Variants in LRMDA observed in about 807,000 individuals in gnomAD.
LRMDA encodes leucine-rich melanocyte differentiation-associated protein.
A neutral mutation model predicts 29.8 loss-of-function variants in LRMDA; 18 were observed. The observed-to-expected ratio is 0.60, with a 90% CI of 0.42 to 0.90. The LOEUF is 0.90. Among genes scored for constraint, LRMDA ranks in the 40% least tolerant of loss-of-function variants. LRMDA has a pLI of 0.00. For missense variants in LRMDA, 273 were observed against 273.9 expected (o/e 1.00, Z 0.02); for synonymous variants, 125 against 109.4 (o/e 1.14, Z -0.89).
At chr10:76,072,101 A>T (rs1429797156) in intron 5 of LRMDA, among the ~76,000 whole-genome samples, 23 of 152,204 alleles carry the variant, frequency 1.5e-4, no homozygotes, top group Non-Finnish European at 1.5e-5. Context: ...CAATGTAATA[A>T]ATACTTACAG....
intron 6 of LRMDA, among the ~76,000 whole-genome samples, chr10:76,443,914 A>T (rs1842328403): frequency 6.6e-6 from 1 of 152,150 alleles, no homozygotes; most frequent in South Asian, 2.1e-4. Flanking sequence ...TTTATTAAGC[A>T]CCTTTCTAAG....
At chr10:75,789,488 T>A (rs939994357) in intron 2 of LRMDA, among the ~76,000 whole-genome samples, 1 of 152,218 alleles carries the variant, frequency 6.6e-6, no homozygotes, top group African/African-American at 2.4e-5. Context: ...GGAAAATTAT[T>A]CATTTCACTG....
At chr10:76,220,153 C>A (rs1851803716) in intron 5 of LRMDA, among the ~76,000 whole-genome samples, 1 of 152,206 alleles carries the variant, frequency 6.6e-6, no homozygotes, top group South Asian at 2.1e-4. Flanking sequence ...TAAATGCCCA[C>A]AAGAGAAAGC....
intron 5 of LRMDA, among the ~76,000 whole-genome samples, chr10:76,298,171 C>T (rs1267960179): frequency 6.6e-6 from 1 of 152,194 alleles, no homozygotes; most frequent in East Asian, 1.9e-4. Context: ...CAGGCTCAGT[C>T]AAGTAGAACT....
At chr10:75,726,577 G>T (rs1022427506) in intron 2 of LRMDA, among the ~76,000 whole-genome samples, 5 of 152,196 alleles carry the variant, frequency 3.3e-5, no homozygotes, top group Non-Finnish European at 7.3e-5. Context: ...ATTTCTCATG[G>T]CCATGGCCCC....
Position 76,557,241 on chromosome 10 carries a change from G to A in LRMDA, c.634G>A (p.Gly212Arg). Residue 212 changes from glycine to arginine, a missense_variant, in exon 7 of 7, where the codon GGG becomes AGG. Physicochemically the swap from Gly to Arg is moderately radical, Grantham distance 125 (BLOSUM62 -2). Transcript: ENST00000611255. ...GGGGAAGTGTCGCTACGTTTACTAT[G>A]GGAAAAACTCAGAGGGCAACAGGTT... is the stretch of plus-strand genomic sequence containing the variant. ...VLGKCRYVYY[G>R]KNSEGNRFIR... 6.8e-6 allele frequency: 11 copies of A among 1,614,042 alleles called. No homozygotes were observed. Among genetic ancestry groups the A allele is most frequent in the Non-Finnish European group, 9.3e-6 (11 of 1,179,998 alleles).
At chr10:75,828,770 T>C (rs1358542930) in intron 2 of LRMDA, among the ~76,000 whole-genome samples, 1 of 152,238 alleles carries the variant, frequency 6.6e-6, no homozygotes. Flanking sequence ...GCATTAAGGC[T>C]GACTGGGAAT....
intron 2 of LRMDA, among the ~76,000 whole-genome samples, chr10:75,578,542 AG>A (rs1840541412): frequency 1.3e-5 from 2 of 152,210 alleles, no homozygotes; most frequent in South Asian, 4.1e-4. Flanking sequence ...CTCTGGACTA[AG>A]TGGACCTAAT....
chr10:75,588,369 A>G (rs1840680951), intron 2 of LRMDA, among the ~76,000 whole-genome samples: 1 of 152,234 alleles, frequency 6.6e-6, no homozygotes, highest in Non-Finnish European at 1.5e-5. Context: ...AAAGGGGCCA[A>G]CGAGGGGCTT....
At chr10:76,340,732 AT>A (rs1841031203) in intron 6 of LRMDA, among the ~76,000 whole-genome samples, 1 of 152,096 alleles carries the variant, frequency 6.6e-6, no homozygotes, top group South Asian at 2.1e-4. Flanking sequence ...ACTATTCTAC[AT>A]TCCCTTGGAT....
At chr10:75,487,033 T>C (rs1396785207) in intron 2 of LRMDA, among the ~76,000 whole-genome samples, 1 of 152,212 alleles carries the variant, frequency 6.6e-6, no homozygotes, top group Non-Finnish European at 1.5e-5. Flanking sequence ...GTGTCTGATA[T>C]GTACTTGCTA....
At chr10:75,444,883 T>C (rs1403647772) in intron 2 of LRMDA, among the ~76,000 whole-genome samples, 3 of 152,210 alleles carry the variant, frequency 2.0e-5, no homozygotes, top group African/African-American at 4.8e-5. Flanking sequence ...ATTGTTTACA[T>C]TGTGTTGGAA....
chr10:76,552,373 C>T (rs1175405155), intron 6 of LRMDA, among the ~76,000 whole-genome samples: 3 of 152,166 alleles, frequency 2.0e-5, no homozygotes, highest in Non-Finnish European at 1.5e-5. Context: ...TAATGAAAAC[C>T]CTTTCCTCAA....
At chr10:76,352,663 A>G (rs1841191854) in intron 6 of LRMDA, among the ~76,000 whole-genome samples, 1 of 152,198 alleles carries the variant, frequency 6.6e-6, no homozygotes, top group African/African-American at 2.4e-5. Flanking sequence ...AAAACCATGC[A>G]GAAAGTGGAT....
intron 4 of LRMDA, among the ~76,000 whole-genome samples, chr10:76,053,285 T>G (rs907575433): frequency 5.9e-5 from 9 of 152,168 alleles, no homozygotes; most frequent in African/African-American, 2.2e-4. Context: ...GACTAGCCCT[T>G]GTGATTGCAG....
intron 5 of LRMDA, among the ~76,000 whole-genome samples, chr10:76,058,997 C>A (rs951591775): frequency 2.0e-5 from 3 of 152,178 alleles, no homozygotes; most frequent in Non-Finnish European, 2.9e-5. Context: ...CTATGCATAG[C>A]CCAATGGTGA....
intron 2 of LRMDA, among the ~76,000 whole-genome samples, chr10:75,973,531 G>A (rs2132441396): frequency 6.6e-6 from 1 of 151,328 alleles, no homozygotes; most frequent in East Asian, 2.0e-4. Flanking sequence ...CGATTCTCCT[G>A]CCTCAGCCTC....
chr10:75,520,135 G>A (rs1845339176), intron 2 of LRMDA, among the ~76,000 whole-genome samples: 1 of 152,136 alleles, frequency 6.6e-6, no homozygotes, highest in Non-Finnish European at 1.5e-5. Flanking sequence ...TTCAACCTTG[G>A]TGAATCTGAC....
At chr10:75,665,925 A>G (rs557150475) in intron 2 of LRMDA, among the ~76,000 whole-genome samples, 14 of 152,284 alleles carry the variant, frequency 9.2e-5, no homozygotes, top group African/African-American at 3.4e-4. Flanking sequence ...CCATTTGTAA[A>G]TTCACTTCAG....
Sources: gnomAD v4.1 joint callset for allele counts (sites outside exome capture counted in the v4.1 genomes callset) on GRCh38, gnomAD v4.1.1 for gene constraint, MANE v1.5 for transcripts, NCBI Gene and HGNC (gene_info 2026-07-23, HGNC 2026-07-21) for gene names.